Variants in SPOCK3 observed in about 807,000 individuals in gnomAD.
SPOCK3 encodes testican-3.
A neutral mutation model predicts 56.6 loss-of-function variants in SPOCK3; 30 were observed. The observed-to-expected ratio is 0.53, with a 90% CI of 0.40 to 0.72. The LOEUF is 0.72. Ranked by LOEUF, SPOCK3 falls within the 30% of genes least tolerant of loss-of-function variation. The pLI is 0.00. For missense variants in SPOCK3, 527 were observed against 530.0 expected, an observed-to-expected ratio of 0.99 and a Z score of 0.06; for synonymous variants, 196 against 183.3, an observed-to-expected ratio of 1.07 and a Z score of -0.56.
intron 2 of SPOCK3, among the ~76,000 whole-genome samples, chr4:167,216,547 G>T (rs1387734063): frequency 6.6e-6 from 1 of 152,072 alleles, no homozygotes; most frequent in African/African-American, 2.4e-5. Context: ...ACCCTGACAG[G>T]ATATGCAAGC....
At chr4:166,741,911 T>G (rs963162673) in intron 9 of SPOCK3, 86 bp downstream of exon 9, 30 of 968,246 alleles carry the variant, frequency 3.1e-5, no homozygotes, top group Non-Finnish European at 4.5e-5. Context: ...CTATCTTTGT[T>G]GGATTAATAT....
intron 2 of SPOCK3, among the ~76,000 whole-genome samples, chr4:167,221,094 A>T (rs80281539): frequency 6.6e-6 from 1 of 151,896 alleles, no homozygotes; most frequent in Non-Finnish European, 1.5e-5. Flanking sequence ...GCACAATGTG[A>T]CACACCTGTA....
At chr4:166,951,469 T>G (rs1286830327) in intron 4 of SPOCK3, among the ~76,000 whole-genome samples, 1 of 141,896 alleles carries the variant, frequency 7.0e-6, no homozygotes, top group African/African-American at 2.9e-5. Context: ...GAGTCCAGGA[T>G]CAGATGGATT....
At chr4:166,861,133 A>G (rs997712650) in intron 6 of SPOCK3, among the ~76,000 whole-genome samples, 3 of 152,052 alleles carry the variant, frequency 2.0e-5, no homozygotes, top group African/African-American at 7.2e-5. Flanking sequence ...GTCTACATAT[A>G]GGCCTTTCCA....
intron 2 of SPOCK3, among the ~76,000 whole-genome samples, chr4:167,109,492 T>G (rs1343797034): frequency 2.6e-5 from 3 of 116,976 alleles, no homozygotes; most frequent in African/African-American, 1.1e-4. Flanking sequence ...TAAAATATAT[T>G]TATATATTTT....
Sources: gnomAD v4.1 joint callset for allele counts (sites outside exome capture counted in the v4.1 genomes callset) on GRCh38, gnomAD v4.1.1 for gene constraint, MANE v1.5 for transcripts, NCBI Gene and HGNC (gene_info 2026-07-23, HGNC 2026-07-21) for gene names.